HEXA: variants seen among roughly 807,000 people sequenced by gnomAD.
HEXA encodes beta-hexosaminidase subunit alpha.
Under a neutral mutation model 73.3 loss-of-function variants are expected in HEXA, and 54 were observed. That is an observed-to-expected ratio of 0.74 (90% CI 0.59 to 0.92). HEXA has a LOEUF of 0.92. Among genes scored for constraint, HEXA ranks in the 40% least tolerant of loss-of-function variants. The probability of loss-of-function intolerance (pLI) is 0.00; values close to 1 mark genes in which losing one functional copy is unlikely to be tolerated. For missense variants in HEXA, 649 were observed against 653.0 expected (o/e 0.99, Z 0.07); for synonymous variants, 230 against 246.9 (o/e 0.93, Z 0.64).
chr15:72,366,531 G>C (rs757333547), intron 1 of HEXA, among the ~76,000 whole-genome samples: 1 of 151,870 alleles, frequency 6.6e-6, no homozygotes, highest in Non-Finnish European at 1.5e-5. Flanking sequence ...AGCTGGTCTC[G>C]AACTCCTGAC....
At chr15:72,354,129 T>A (rs2088740770) in intron 3 of HEXA, 1 of 217,772 alleles carries the variant, frequency 4.6e-6, no homozygotes. Flanking sequence ...GGATAACCCC[T>A]ATCAGGAGCT....
intron 3 of HEXA, chr15:72,354,035 A>T (rs2088738873): frequency 2.0e-6 from 1 of 488,828 alleles, no homozygotes; most frequent in Admixed American, 3.3e-5. Flanking sequence ...TGCCTTCACA[A>T]GAATATTGAG....
intron 1 of HEXA, among the ~76,000 whole-genome samples, chr15:72,374,284 A>T (rs2089030139): frequency 6.6e-6 from 1 of 152,092 alleles, no homozygotes; most frequent in African/African-American, 2.4e-5. Flanking sequence ...TCTGAGTGCC[A>T]ATCTTGGGTA....
rs550453544 is a variant in HEXA, at chr15:72,346,936, G to T, written c.1147-226C>A. ...CAGCTCTCCTCCCCGTCCCTCTGCA[G>T]CCTCCCTGTCCACACAGAGCTAGTA... On this transcript the variant is annotated intron_variant, in intron 10 of 13. Coordinates refer to ENST00000268097, the MANE Select transcript of HEXA (RefSeq NM_000520.6). 6.0e-3 allele frequency: 3,356 copies of T among 563,956 alleles called. 24 individuals are homozygous for T. Among genetic ancestry groups the T allele is most frequent in the Middle Eastern group, 0.016 (32 of 2,018 alleles). 34.9% of individuals were successfully genotyped at this position (563,956 alleles called of 1,614,324 possible).
At position 72,375,361 on chromosome 15, in the gene HEXA, T is replaced by C. The variant is rs117973455; in HGVS notation, c.253+359A>G. The stretch of plus-strand genomic sequence containing the variant: ...CCAAACATTCTATGTGCCAGAAACT[T>C]GTATGTAACTTTGCATAGTTCTTGT... On this transcript the variant is annotated intron_variant, in intron 1 of 13. Coordinates refer to ENST00000268097, the MANE Select transcript of HEXA (RefSeq NM_000520.6). Among the ~76,000 whole-genome samples the C allele has an allele frequency of 3.4e-3, 523 of 152,278 alleles. 1 individual carries two copies. The highest frequency in any genetic ancestry group is 0.014 in the Middle Eastern group (4 of 294).
intron 5 of HEXA, among the ~76,000 whole-genome samples, chr15:72,352,362 C>A (rs1345061144): frequency 6.6e-6 from 1 of 150,450 alleles, no homozygotes; most frequent in Admixed American, 6.7e-5. Flanking sequence ...ACCACTCTGG[C>A]AGGCCAAGGT....
intron 7 of HEXA, chr15:72,350,081 A>G (rs372598097): frequency 7.0e-4 from 163 of 232,250 alleles, no homozygotes; most frequent in African/African-American, 3.4e-3. Context: ...TCAGTTTTCT[A>G]TCAGGCCAGT....
chr15:72,356,815 A>G, intron 1 of HEXA, 198 bp from the exon 2 acceptor site: 1 of 750,636 alleles, frequency 1.3e-6, no homozygotes, highest in Non-Finnish European at 2.3e-6. Context: ...TCTCCTCAGT[A>G]GCTGCCCTGA....
At chr15:72,375,621 T>C in intron 1 of HEXA, 99 bp downstream of exon 1, 1 of 1,382,992 alleles carries the variant, frequency 7.2e-7, no homozygotes. Flanking sequence ...ATCAGAGGGC[T>C]GGACAAAAGC....
At chr15:72,354,118 T>G (rs557388971) in intron 3 of HEXA, 24 of 240,858 alleles carry the variant, frequency 1.0e-4, no homozygotes, top group Non-Finnish European at 1.9e-4. Context: ...GGACTTTTCA[T>G]GGATAACCCC....
intron 13 of HEXA, 39 bp downstream of exon 13, chr15:72,345,407 G>C (rs1360730667): frequency 1.1e-5 from 18 of 1,613,204 alleles, no homozygotes; most frequent in Non-Finnish European, 1.5e-5. Context: ...CCCTGGATCT[G>C]GCCTGCTCCG....
At chr15:72,363,345 A>G (rs747183583) in intron 1 of HEXA, among the ~76,000 whole-genome samples, 31 of 152,330 alleles carry the variant, frequency 2.0e-4, no homozygotes, top group Non-Finnish European at 3.8e-4. Flanking sequence ...GCTATGGTAG[A>G]TTTAATAGCC....
chr15:72,350,406 A>G, intron 7 of HEXA, 112 bp downstream of exon 7: 1 of 1,156,328 alleles, frequency 8.6e-7, no homozygotes, highest in Non-Finnish European at 1.3e-6. Flanking sequence ...TCGATGGAAA[A>G]CATTCTTCTA....
intron 2 of HEXA, 130 bp downstream of exon 2, chr15:72,356,395 T>TGGTGACCCTCGGTCCCCAGGGTCAAG (rs1237449826): frequency 1.1e-6 from 1 of 916,712 alleles, no homozygotes; most frequent in African/African-American, 1.6e-5. Context: ...TCTCAGCACT[T>TGGTGACCCTCGGTCCCCAGGGTCAAG]GGTGACCCTC....
chr15:72,370,688 C>A (rs1457576856), intron 1 of HEXA: 1 of 149,908 alleles, frequency 6.7e-6, no homozygotes, highest in East Asian at 8.1e-5. Context: ...CAGAGAAAGA[C>A]CTGTTTCTTA....
At chr15:72,372,691 C>G (rs1389027020) in intron 1 of HEXA, among the ~76,000 whole-genome samples, 2 of 152,238 alleles carry the variant, frequency 1.3e-5, no homozygotes, top group African/African-American at 4.8e-5. Context: ...AACACCTTCA[C>G]AGACCATTTA....
At chr15:72,365,566 G>C (rs779370125) in intron 1 of HEXA, among the ~76,000 whole-genome samples, 3 of 152,030 alleles carry the variant, frequency 2.0e-5, no homozygotes, top group African/African-American at 7.2e-5. Context: ...ACTTAGAAAG[G>C]CCTCCTCTAC....
rs1595816116 is a variant in HEXA at position 72,375,744 on chromosome 15, A to G, written c.229T>C (p.Ser77Pro). 1 of 1,614,046 alleles carries G rather than the reference A, an allele frequency of 6.2e-7. No homozygotes were observed. The highest frequency in any genetic ancestry group is 1.3e-5 in the African/African-American group (1 of 74,932). The part of the protein sequence containing the change: ...RYRDLLFGSG[S>P]WPRPYLTGKR... Reference sequence around the variant, plus strand: ...CCTGTGAGGTAAGGACGGGGCCAAGACCCGGAACCGAAAAGCAGGTCACGA... The same window carrying G: ...CCTGTGAGGTAAGGACGGGGCCAAGGCCCGGAACCGAAAAGCAGGTCACGA... The change falls in exon 1 of 14, where the codon TCT becomes CCT. Residue 77 changes from serine to proline, a missense_variant. Transcript: ENST00000268097.
intron 6 of HEXA, 147 bp downstream of exon 6, chr15:72,350,986 A>C: frequency 1.4e-6 from 1 of 701,304 alleles, no homozygotes; most frequent in Non-Finnish European, 2.6e-6. Context: ...CTTGAACTCA[A>C]GTCTCCTGAC....
Sources: gnomAD v4.1 joint callset for allele counts (sites outside exome capture counted in the v4.1 genomes callset) on GRCh38, gnomAD v4.1.1 for gene constraint, MANE v1.5 for transcripts, NCBI Gene and HGNC (gene_info 2026-07-23, HGNC 2026-07-21) for gene names.